The following TFAP2B variants were observed in gnomAD, a reference collection of about 807,000 sequenced individuals.
TFAP2B encodes transcription factor AP-2-beta.
Under a neutral mutation model 44.3 loss-of-function variants are expected in TFAP2B, and 9 were observed. The ratio of observed to expected loss-of-function variants is 0.20; its 90% CI spans 0.12 to 0.35. TFAP2B has a LOEUF of 0.35. Ranked by LOEUF, TFAP2B falls within the 10% of genes least tolerant of loss-of-function variation. The pLI is 1.00. For missense variants in TFAP2B, 509 were observed against 600.0 expected, an observed-to-expected ratio of 0.85 and a Z score of 1.59; for synonymous variants, 270 against 263.8, an observed-to-expected ratio of 1.02 and a Z score of -0.23.
intron 1 of TFAP2B, among the ~76,000 whole-genome samples, chr6:50,822,761 C>G (rs1232608778): frequency 3.3e-5 from 5 of 152,138 alleles, no homozygotes; most frequent in African/African-American, 4.8e-5. Context: ...CAATGAAACA[C>G]TATTTAAGTT....
rs62405437 is a variant in TFAP2B at position 50,846,016 on chromosome 6, T to G, written c.*2624T>G. 2.6e-5 allele frequency: 4 copies of G among 152,408 alleles called. No individual in the cohort carries two copies. Among genetic ancestry groups the G allele is most frequent in the African/African-American group, 9.7e-5 (4 of 41,410 alleles). 9.4% of individuals were successfully genotyped at this position (152,408 alleles called of 1,614,324 possible). On this transcript the variant is annotated 3_prime_UTR_variant, in exon 7 of 7. Coordinates refer to ENST00000393655, the MANE Select transcript of TFAP2B (RefSeq NM_003221.4). ...CTGGAGGGAGAGTGGCCTAGAAATA[T>G]CCAAGGAATCCGAAGCTTCCCCTCC...
Position 50,822,121 on chromosome 6 carries a change from C to CT in TFAP2B, c.82-1278dup, listed in dbSNP as rs1162245385. The CT allele has an allele frequency of 1.9e-5, 25 of 1,301,036 alleles. No individual in the cohort carries two copies. In the Admixed American group the frequency reaches 2.3e-4, roughly 12 times the overall value. 80.6% of individuals were successfully genotyped at this position (1,301,036 alleles called of 1,614,324 possible). ...TGTTTGATTTTGAGCAGTAACCAGG[C>CT]TTTTTTTTCCAGATGTTAGTCCACA... is the stretch of plus-strand genomic sequence containing the variant. On this transcript the variant is annotated intron_variant, in intron 1 of 6. Transcript: ENST00000393655.
At chr6:50,822,207 C>T (rs1310834165) in intron 1 of TFAP2B, 2 of 1,278,772 alleles carry the variant, frequency 1.6e-6, no homozygotes, top group Admixed American at 4.6e-5. Context: ...TCCCTCCTCT[C>T]ACTGTCTCTC....
rs1170613716 is a variant in TFAP2B, at chr6:50,823,414, A to G, written c.89A>G (p.His30Arg). Residue 30 changes from histidine to arginine, a missense_variant, in exon 2 of 7, where the codon CAC becomes CGC. By Grantham distance (29) the His-to-Arg change is conservative. This residue lies in a region of TFAP2B where 296 missense variants were observed against 308.2 expected (regional missense o/e 0.96). Coordinates refer to ENST00000393655, the MANE Select transcript of TFAP2B (RefSeq NM_003221.4). Reference sequence around the variant, plus strand: ...TCCTCTCTCCGCTCCCAGGACCGGCACGATGGTGTCCCGAGCCACAGCTCG... The same window carrying G: ...TCCTCTCTCCGCTCCCAGGACCGGCGCGATGGTGTCCCGAGCCACAGCTCG... ...VKYEDIYEDR[H>R]DGVPSHSSRL... 1.3e-5 allele frequency: 21 copies of G among 1,592,064 alleles called. No individual in the cohort carries two copies. The highest frequency in any genetic ancestry group is 1.8e-5 in the Non-Finnish European group (21 of 1,170,078).
intron 2 of TFAP2B, among the ~76,000 whole-genome samples, chr6:50,825,683 C>T (rs1488841355): frequency 6.6e-6 from 1 of 152,124 alleles, no homozygotes; most frequent in Non-Finnish European, 1.5e-5. Flanking sequence ...ACCTCGGGGC[C>T]AAGTTGTTGC....
chr6:50,819,681 C>T (rs1243065145), intron 1 of TFAP2B, among the ~76,000 whole-genome samples: 2 of 152,214 alleles, frequency 1.3e-5, no homozygotes, highest in Non-Finnish European at 2.9e-5. Context: ...CTCAACTCTT[C>T]GGGGCAGGAG....
chr6:50,832,343 T>G (rs541159435), intron 3 of TFAP2B, among the ~76,000 whole-genome samples: 2 of 152,208 alleles, frequency 1.3e-5, no homozygotes, highest in Non-Finnish European at 2.9e-5. Flanking sequence ...TCAACTCAGT[T>G]TCCAGCCTTT....
rs1026440486 is a variant in TFAP2B at position 50,846,167 on chromosome 6, C to T, written c.*2775C>T. On this transcript the variant is annotated 3_prime_UTR_variant, in exon 7 of 7. Transcript: ENST00000393655. ...CAGACGCCCTCATTTGTGTGTTCCT[C>T]CTTGCTCCAGCGAGATAGAACCTTT... 1.3e-5 allele frequency: 2 copies of T among 152,194 alleles called. No homozygotes were observed. The highest frequency in any genetic ancestry group is 4.9e-5 in the African/African-American group (2 of 41,148). 9.4% of individuals were successfully genotyped at this position (152,194 alleles called of 1,614,324 possible). A position where few individuals can be genotyped will look rare whatever the true frequency, so the allele number is the denominator to read the frequency against.
chr6:50,831,637 C>T (rs1770681577), intron 3 of TFAP2B, among the ~76,000 whole-genome samples: 2 of 147,896 alleles, frequency 1.4e-5, no homozygotes, highest in South Asian at 2.2e-4. Context: ...TCTTAACTCT[C>T]AGTTCCATTA....
At chr6:50,819,169 G>A (rs1192575363) in intron 1 of TFAP2B, among the ~76,000 whole-genome samples, 197 bp downstream of exon 1, 3 of 151,976 alleles carry the variant, frequency 2.0e-5, no homozygotes, top group African/African-American at 7.3e-5. Flanking sequence ...GCTGAAATCT[G>A]ACAACTTTAA....
chr6:50,821,834 G>A (rs1770356829), intron 1 of TFAP2B: 2 of 259,994 alleles, frequency 7.7e-6, no homozygotes, highest in South Asian at 4.4e-5. Context: ...GGGCGGCCGA[G>A]CAGTCTGAGC....
chr6:50,828,796 A>C (rs959482220), intron 3 of TFAP2B, 117 bp downstream of exon 3: 1 of 1,220,838 alleles, frequency 8.2e-7, no homozygotes, highest in Non-Finnish European at 1.2e-6. Flanking sequence ...TTTGTTCACA[A>C]TTATAGGACA....
chr6:50,841,427 C>T (rs1005609547), intron 6 of TFAP2B, among the ~76,000 whole-genome samples: 18 of 147,928 alleles, frequency 1.2e-4, no homozygotes, highest in South Asian at 2.2e-4. Context: ...TGGTGAGGCA[C>T]GGGGTGTGTG....
chr6:50,834,305 T>G (rs549086173), intron 3 of TFAP2B, among the ~76,000 whole-genome samples: 88 of 152,306 alleles, frequency 5.8e-4, no homozygotes, highest in African/African-American at 2.1e-3. Flanking sequence ...CCTCTCTATA[T>G]CCCCTGTCCC....
At chr6:50,822,179 GT>G (rs1561957553) in intron 1 of TFAP2B, 1 of 1,303,244 alleles carries the variant, frequency 7.7e-7, no homozygotes, top group Admixed American at 2.3e-5. Context: ...GGATTCACGT[GT>G]TACCAGAATT....
intron 3 of TFAP2B, among the ~76,000 whole-genome samples, chr6:50,829,678 T>C (rs899508732): frequency 1.3e-5 from 2 of 152,226 alleles, no homozygotes; most frequent in Non-Finnish European, 2.9e-5. Context: ...CTTGAGCCAC[T>C]TGACATTCAA....
At chr6:50,818,768 C>A, upstream of TFAP2B, 1 of 807,438 alleles carries the variant, frequency 1.2e-6, no homozygotes, top group Non-Finnish European at 2.1e-6. Flanking sequence ...TTGTTTGAGA[C>A]AACAGATATA....
intron 6 of TFAP2B, 111 bp from the exon 7 acceptor site, chr6:50,842,981 C>A: frequency 1.4e-6 from 2 of 1,419,318 alleles, no homozygotes; most frequent in Non-Finnish European, 2.0e-6. Context: ...CCCACATTAG[C>A]CTCGCTCTTC....
intron 2 of TFAP2B, among the ~76,000 whole-genome samples, chr6:50,825,206 T>C (rs917063289): frequency 2.6e-5 from 4 of 152,298 alleles, no homozygotes; most frequent in African/African-American, 9.6e-5. Context: ...AGAGTGATGA[T>C]GGTTTTGTTG....
Sources: gnomAD v4.1 joint callset for allele counts (sites outside exome capture counted in the v4.1 genomes callset) on GRCh38, gnomAD v4.1.1 for gene constraint, gnomAD v4.1.1 regional missense constraint, MANE v1.5 for transcripts, NCBI Gene and HGNC (gene_info 2026-07-23, HGNC 2026-07-21) for gene names.